The following ZNF676 variants were observed in gnomAD, a reference collection of about 807,000 sequenced individuals.
The protein encoded by ZNF676 is zinc finger protein 676.
Under a neutral mutation model 6.0 loss-of-function variants are expected in ZNF676, and 4 were observed. The ratio of observed to expected loss-of-function variants is 0.67; its 90% CI spans 0.33 to 1.53. The LOEUF (loss-of-function observed/expected upper bound fraction) is 1.53. Among genes scored for constraint, ZNF676 ranks in the 40% most tolerant of loss-of-function variants. The probability of loss-of-function intolerance (pLI) is 0.06; values close to 1 mark genes in which losing one functional copy is unlikely to be tolerated. For synonymous variants in ZNF676, 198 were observed against 223.1 expected (o/e 0.89, Z 1.00); for missense variants, 644 against 679.7 (o/e 0.95, Z 0.58).
Position 22,193,214 on chromosome 19 carries a change from T to G in ZNF676, c.35-103A>C, listed in dbSNP as rs533921150. Reference sequence around the variant, plus strand: ...GGATGTAATAGAATATTCTAATACATTTATCCCAAAATACTAAATTATAAC... The same window carrying G: ...GGATGTAATAGAATATTCTAATACAGTTATCCCAAAATACTAAATTATAAC... On this transcript the variant is annotated intron_variant, in intron 1 of 2. Coordinates refer to ENST00000397121, the MANE Select transcript of ZNF676 (RefSeq NM_001001411.3). 9.6e-6 allele frequency: 12 copies of G among 1,244,568 alleles called. No individual in the cohort carries two copies. In the African/African-American group the frequency reaches 1.9e-4, roughly 20 times the overall value. 77.1% of individuals were successfully genotyped at this position (1,244,568 alleles called of 1,614,324 possible).
At chr19:22,248,161 G>C in the ZNF676 span, among the ~76,000 whole-genome samples, 6 of 152,078 alleles carry the variant, frequency 3.9e-5, no homozygotes, top group Non-Finnish European at 7.4e-5. Context: ...TGGACATTTG[G>C]GTTGGTTCCA....
the ZNF676 span, among the ~76,000 whole-genome samples, chr19:22,255,449 G>A: frequency 6.6e-6 from 1 of 152,148 alleles, no homozygotes; most frequent in African/African-American, 2.4e-5. Context: ...ATAAACCTAT[G>A]ATTGTATCTG....
intron 1 of ZNF676, among the ~76,000 whole-genome samples, chr19:22,208,556 A>G (rs2024098289): frequency 6.6e-6 from 1 of 152,244 alleles, no homozygotes; most frequent in Non-Finnish European, 1.5e-5. Flanking sequence ...ATTCTATCAT[A>G]AAGACACATG....
At chr19:22,238,716 G>C in the ZNF676 span, among the ~76,000 whole-genome samples, 2 of 152,050 alleles carry the variant, frequency 1.3e-5, no homozygotes, top group African/African-American at 4.8e-5. Flanking sequence ...CTCACAACAG[G>C]CCATCTGTAG....
At chr19:22,251,709 A>G in the ZNF676 span, among the ~76,000 whole-genome samples, 1 of 150,860 alleles carries the variant, frequency 6.6e-6, no homozygotes, top group African/African-American at 2.4e-5. Context: ...AATCACTTGA[A>G]CCTGGGAGCC....
chr19:22,221,015 A>T, the ZNF676 span, among the ~76,000 whole-genome samples: 1 of 152,038 alleles, frequency 6.6e-6, no homozygotes, highest in Non-Finnish European at 1.5e-5. Flanking sequence ...TTATCTTTTC[A>T]AATAACTAGC....
the ZNF676 span, among the ~76,000 whole-genome samples, chr19:22,232,180 T>A: frequency 1.1e-4 from 16 of 151,930 alleles, no homozygotes; most frequent in Non-Finnish European, 2.4e-4. Context: ...TTCTTTTCTT[T>A]TTTTTTTAGA....
chr19:22,193,199 G>T, intron 1 of ZNF676, 88 bp from the exon 2 acceptor site: 1 of 1,325,536 alleles, frequency 7.5e-7, no homozygotes, highest in Non-Finnish European at 9.9e-7. Flanking sequence ...GGATGTAATA[G>T]AATATTCTAA....
chr19:22,253,399 AATG>A, the ZNF676 span, among the ~76,000 whole-genome samples: 324 of 40,718 alleles, frequency 8.0e-3, no homozygotes, highest in African/African-American at 0.021. Flanking sequence ...TATATATGAT[AATG>A]TGTATATATA....
chr19:22,187,086 C>G (rs1481300525), intron 2 of ZNF676, among the ~76,000 whole-genome samples: 24 of 152,258 alleles, frequency 1.6e-4, no homozygotes, highest in Non-Finnish European at 1.5e-5. Flanking sequence ...AGCATCACAT[C>G]ACACTTATTC....
the ZNF676 span, among the ~76,000 whole-genome samples, chr19:22,221,897 T>C: frequency 6.6e-6 from 1 of 152,192 alleles, no homozygotes; most frequent in Non-Finnish European, 1.5e-5. Flanking sequence ...TTCTAAGGTG[T>C]AGTTTAAGAC....
the ZNF676 span, among the ~76,000 whole-genome samples, chr19:22,234,977 A>C: frequency 1.3e-4 from 10 of 75,000 alleles, no homozygotes; most frequent in African/African-American, 4.9e-4. Flanking sequence ...AGAAAGAAAG[A>C]AAGAAAGAAA....
chr19:22,239,834 G>A, the ZNF676 span, among the ~76,000 whole-genome samples: 1 of 152,136 alleles, frequency 6.6e-6, no homozygotes. Flanking sequence ...TGTCCCCTTT[G>A]GATGGTGCAC....
intron 1 of ZNF676, among the ~76,000 whole-genome samples, chr19:22,213,713 T>C (rs1467038427): frequency 6.6e-6 from 1 of 152,182 alleles, no homozygotes; most frequent in Non-Finnish European, 1.5e-5. Context: ...CTGGTTGTCT[T>C]ATGGGAGATG....
the ZNF676 span, among the ~76,000 whole-genome samples, chr19:22,257,045 A>G: frequency 6.6e-6 from 1 of 152,108 alleles, no homozygotes; most frequent in South Asian, 2.1e-4. Flanking sequence ...AATGTGTCAC[A>G]ATAACTCCTG....
upstream of ZNF676, among the ~76,000 whole-genome samples, chr19:22,220,225 T>A (rs1168179617): frequency 1.3e-5 from 2 of 152,162 alleles, no homozygotes; most frequent in African/African-American, 4.8e-5. Flanking sequence ...TTAGCTAGTA[T>A]TTTATGGAAG....
At chr19:22,242,064 A>C in the ZNF676 span, among the ~76,000 whole-genome samples, 1 of 151,780 alleles carries the variant, frequency 6.6e-6, no homozygotes, top group Admixed American at 6.6e-5. Flanking sequence ...ACCTTCCTAC[A>C]AAAAGGAGAC....
At chr19:22,255,713 CG>C in the ZNF676 span, among the ~76,000 whole-genome samples, 2 of 151,784 alleles carry the variant, frequency 1.3e-5, no homozygotes, top group Non-Finnish European at 2.9e-5. Context: ...GGCGTGGTGG[CG>C]GGTGCCTGTT....
Position 22,181,138 on chromosome 19 carries a change from TC to T in ZNF676, c.578del (p.Gly193GlufsTer25), listed in dbSNP as rs1223732456. 6.2e-7 allele frequency: 1 copy of T among 1,613,818 alleles called. No individual in the cohort carries two copies. Among genetic ancestry groups the T allele is most frequent in the Non-Finnish European group, 8.5e-7 (1 of 1,179,978 alleles). ...TLTYYKSIHT[G>X]EKPYKCEECG... Reference sequence around the variant, plus strand: ...ATTCTTCACATTTGTAGGGTTTCTCTCCAGTATGAATACTCTTATAATAAGT... The same window carrying T: ...ATTCTTCACATTTGTAGGGTTTCTCTCAGTATGAATACTCTTATAATAAGT... On this transcript the variant is annotated frameshift_variant, in exon 3 of 3. Coordinates refer to ENST00000397121, the MANE Select transcript of ZNF676 (RefSeq NM_001001411.3). LOFTEE classifies it low-confidence loss of function (END_TRUNC).
Sources: gnomAD v4.1 joint callset for allele counts (sites outside exome capture counted in the v4.1 genomes callset) on GRCh38, gnomAD v4.1.1 for gene constraint, MANE v1.5 for transcripts, NCBI Gene and HGNC (gene_info 2026-07-23, HGNC 2026-07-21) for gene names.